The following KCNMB2 variants were observed in gnomAD, a reference collection of about 807,000 sequenced individuals.
The protein encoded by KCNMB2 is potassium calcium-activated channel subfamily M regulatory beta subunit 2, also known as calcium-activated potassium channel subunit beta-2.
KCNMB2 carries 9 observed loss-of-function variants against 24.5 expected under a neutral mutation model. The observed-to-expected ratio is 0.37, with a 90% CI of 0.22 to 0.64. The LOEUF (loss-of-function observed/expected upper bound fraction) is 0.64, where lower values mean the gene tolerates loss of function less well. Ranked by LOEUF, KCNMB2 falls within the 30% of genes least tolerant of loss-of-function variation. KCNMB2 has a pLI of 0.63. For missense variants in KCNMB2, 226 were observed against 284.3 expected, an observed-to-expected ratio of 0.79 and a Z score of 1.47; for synonymous variants, 109 against 104.4, an observed-to-expected ratio of 1.04 and a Z score of -0.27.
intron 1 of KCNMB2, among the ~76,000 whole-genome samples, chr3:178,703,856 A>T (rs758204128): frequency 6.6e-6 from 1 of 152,190 alleles, no homozygotes; most frequent in African/African-American, 2.4e-5. Context: ...GAGTAACTTC[A>T]CACATTTATT....
At chr3:178,806,686 A>C (rs1577202932) in intron 1 of KCNMB2, among the ~76,000 whole-genome samples, 1 of 39,600 alleles carries the variant, frequency 2.5e-5, no homozygotes, top group Non-Finnish European at 4.6e-5. Context: ...GCCAAGTCAT[A>C]ATAATAATAA....
intron 1 of KCNMB2, among the ~76,000 whole-genome samples, chr3:178,722,824 C>A (rs973061684): frequency 1.3e-5 from 2 of 152,022 alleles, no homozygotes; most frequent in African/African-American, 4.8e-5. Context: ...GCCCTGGGGG[C>A]GGAGGTTGTT....
intron 1 of KCNMB2, among the ~76,000 whole-genome samples, chr3:178,594,249 T>C (rs553047114): frequency 6.6e-6 from 1 of 152,088 alleles, no homozygotes; most frequent in Admixed American, 6.6e-5. Flanking sequence ...TATGATCTGT[T>C]TTGTATTTTA....
intron 1 of KCNMB2, among the ~76,000 whole-genome samples, chr3:178,582,364 G>A (rs1717245594): frequency 6.6e-6 from 1 of 152,154 alleles, no homozygotes; most frequent in Non-Finnish European, 1.5e-5. Context: ...CCTGTGGCGG[G>A]GTGGGAGTTA....
intron 1 of KCNMB2, among the ~76,000 whole-genome samples, chr3:178,713,881 G>A (rs1045509306): frequency 5.9e-5 from 9 of 152,130 alleles, no homozygotes; most frequent in Non-Finnish European, 4.4e-5. Context: ...AAGTAATATA[G>A]CCCCTGGAAT....
At chr3:178,625,847 T>C (rs984054397) in intron 1 of KCNMB2, among the ~76,000 whole-genome samples, 2 of 152,220 alleles carry the variant, frequency 1.3e-5, no homozygotes, top group Non-Finnish European at 2.9e-5. Flanking sequence ...CGTGTTCGTG[T>C]TCTTCCAAAT....
chr3:178,698,337 A>G (rs536322111), intron 1 of KCNMB2, among the ~76,000 whole-genome samples: 1 of 135,076 alleles, frequency 7.4e-6, no homozygotes, highest in African/African-American at 3.1e-5. Flanking sequence ...TCTTTTCTCT[A>G]TTCTTGTCTG....
At chr3:178,675,803 G>A (rs1721052331) in intron 1 of KCNMB2, among the ~76,000 whole-genome samples, 1 of 152,116 alleles carries the variant, frequency 6.6e-6, no homozygotes, top group Non-Finnish European at 1.5e-5. Flanking sequence ...GGTGGCTAGA[G>A]GAGTCTCTGG....
chr3:178,572,620 C>T (rs1716846453), intron 1 of KCNMB2, among the ~76,000 whole-genome samples: 2 of 151,978 alleles, frequency 1.3e-5, no homozygotes, highest in African/African-American at 4.8e-5. Flanking sequence ...TGATTTACTT[C>T]TCCCCACTTT....
At chr3:178,607,625 A>ATG (rs1178977788) in intron 1 of KCNMB2, among the ~76,000 whole-genome samples, 3 of 146,024 alleles carry the variant, frequency 2.1e-5, no homozygotes, top group Middle Eastern at 3.2e-3. Flanking sequence ...TTCATTGTGC[A>ATG]TGCGTGTGTG....
At chr3:178,657,404 C>T (rs1218628388) in intron 1 of KCNMB2, among the ~76,000 whole-genome samples, 2 of 152,206 alleles carry the variant, frequency 1.3e-5, no homozygotes, top group Non-Finnish European at 2.9e-5. Context: ...GACCTGGGAA[C>T]AAACTCCACC....
At chr3:178,746,098 C>T (rs911853878) in intron 1 of KCNMB2, among the ~76,000 whole-genome samples, 12 of 152,222 alleles carry the variant, frequency 7.9e-5, no homozygotes, top group African/African-American at 2.9e-4. Context: ...TCCAACCCAA[C>T]ATTTCCCTTC....
At chr3:178,812,486 T>C (rs1296819449) in intron 2 of KCNMB2, among the ~76,000 whole-genome samples, 1 of 149,440 alleles carries the variant, frequency 6.7e-6, no homozygotes, top group Admixed American at 6.7e-5. Context: ...GAACATGCGG[T>C]GTTTGGTAAT....
chr3:178,582,010 G>C (rs192046741), intron 1 of KCNMB2, among the ~76,000 whole-genome samples: 3 of 152,144 alleles, frequency 2.0e-5, no homozygotes, highest in East Asian at 3.9e-4. Context: ...CCCATTACTG[G>C]GTATATATCC....
chr3:178,830,554 T>C (rs930107731), intron 4 of KCNMB2, among the ~76,000 whole-genome samples: 2 of 152,176 alleles, frequency 1.3e-5, no homozygotes, highest in African/African-American at 2.4e-5. Flanking sequence ...AAAATGTATA[T>C]GCAAATATAC....
rs1484727983 is a variant in KCNMB2, at chr3:178,676,876, A to G, written c.-67-130467A>G. ...AACGTTACGAAACGCTTTCTGCTGC[A>G]TTACCTCACTGAGCCCTCACTAGAG... On this transcript the variant is annotated intron_variant, in intron 1 of 4. Transcript: ENST00000452583. Among the ~76,000 whole-genome samples, 4 of 152,132 alleles carry G rather than the reference A, an allele frequency of 2.6e-5. No homozygotes were observed. In the East Asian group the frequency reaches 7.7e-4, roughly 29 times the overall value.
intron 1 of KCNMB2, among the ~76,000 whole-genome samples, chr3:178,688,554 G>A (rs1721551232): frequency 6.6e-6 from 1 of 152,082 alleles, no homozygotes; most frequent in African/African-American, 2.4e-5. Flanking sequence ...TTTTTCACTT[G>A]TAATTTGTTC....
intron 1 of KCNMB2, among the ~76,000 whole-genome samples, chr3:178,616,702 C>G (rs911918583): frequency 1.3e-5 from 2 of 152,092 alleles, no homozygotes; most frequent in Non-Finnish European, 2.9e-5. Flanking sequence ...ACTTGGTGTC[C>G]TTGTCGGAGG....
rs377233667 is a variant in KCNMB2, at chr3:178,789,457, C to T, written c.-67-17886C>T. On this transcript the variant is annotated intron_variant, in intron 1 of 4. Transcript: ENST00000452583. ...TCATAAGAAGCAAAAATCAGGTGAG[C>T]AGTCACAGTACCCGGTTTTAAAATC... 3.4e-4 allele frequency among the ~76,000 whole-genome samples: 52 copies of T among 152,316 alleles called. 1 individual carries two copies. The South Asian group carries it at 0.011, about 31-fold the overall frequency.
Sources: allele counts gnomAD v4.1 joint callset (sites outside exome capture counted in the v4.1 genomes callset), GRCh38; gene constraint gnomAD v4.1.1; transcripts MANE v1.5; gene names NCBI Gene and HGNC (gene_info 2026-07-23, HGNC 2026-07-21).